ZC3H11A: variants seen among roughly 807,000 people sequenced by gnomAD.
The protein encoded by ZC3H11A is zinc finger CCCH domain-containing protein 11A.
ZC3H11A carries 22 observed loss-of-function variants against 90.8 expected under a neutral mutation model. That is an observed-to-expected ratio of 0.24 (90% CI 0.17 to 0.35). ZC3H11A has a LOEUF of 0.35. ZC3H11A is among the 10% of genes least tolerant of loss of function. ZC3H11A has a pLI of 1.00. For synonymous variants in ZC3H11A, 294 were observed against 339.8 expected (o/e 0.87, Z 1.48); for missense variants, 701 against 964.9 (o/e 0.73, Z 3.62).
chr1:203,839,554 G>A (rs952655616), intron 11 of ZC3H11A, among the ~76,000 whole-genome samples: 6 of 152,038 alleles, frequency 3.9e-5, no homozygotes, highest in Non-Finnish European at 8.8e-5. Flanking sequence ...ATGAGTAGAC[G>A]TTCCTGTTTG....
At chr1:203,816,856 A>G (rs1676554401) in intron 2 of ZC3H11A, 70 bp from the exon 3 acceptor site, 1 of 485,418 alleles carries the variant, frequency 2.1e-6, no homozygotes. Context: ...ATACGATCTC[A>G]TTAGCCATGG....
chr1:203,799,811 C>T, intron 1 of ZC3H11A: 1 of 1,388,014 alleles, frequency 7.2e-7, no homozygotes, highest in Non-Finnish European at 9.9e-7. Flanking sequence ...AATCCAAGCC[C>T]TGTATCTTGG....
At position 203,852,666 on chromosome 1, in the gene ZC3H11A, G is replaced by A; in HGVS notation, c.*267G>A. 1 of 460,020 alleles carries A rather than the reference G, an allele frequency of 2.2e-6. No homozygotes were observed. The highest frequency in any genetic ancestry group is 3.9e-6 in the Non-Finnish European group (1 of 255,632). 28.5% of individuals were successfully genotyped at this position (460,020 alleles called of 1,614,324 possible). A position where few individuals can be genotyped will look rare whatever the true frequency, so the allele number is the denominator to read the frequency against. ...CATACCCTTCTCTCCACAAAAAAGA[G>A]ACTGAGAGGGAGATCAAGTGAAAGG... On this transcript the variant is annotated 3_prime_UTR_variant, in exon 18 of 18. Transcript: ENST00000367210.
chr1:203,829,738 C>G (rs758820696), intron 6 of ZC3H11A, 42 bp from the exon 7 acceptor site: 1 of 1,610,342 alleles, frequency 6.2e-7, no homozygotes, highest in Non-Finnish European at 8.5e-7. Context: ...AAGCTATAGG[C>G]GTATTTTTAA....
intron 12 of ZC3H11A, among the ~76,000 whole-genome samples, chr1:203,846,871 G>T (rs919162167): frequency 7.2e-5 from 11 of 152,106 alleles, no homozygotes; most frequent in Middle Eastern, 3.2e-3. Context: ...GGGCTTGGTG[G>T]TGGGTACCTG....
At chr1:203,804,329 T>A (rs1353482365) in intron 2 of ZC3H11A, among the ~76,000 whole-genome samples, 1 of 152,016 alleles carries the variant, frequency 6.6e-6, no homozygotes, top group African/African-American at 2.4e-5. Flanking sequence ...CTTTTTTGTA[T>A]TTTTAGTAGA....
chr1:203,835,927 G>A (rs1684188440), intron 10 of ZC3H11A: 1 of 200,738 alleles, frequency 5.0e-6, no homozygotes, highest in Non-Finnish European at 1.1e-5. Flanking sequence ...CCTTTAAGAA[G>A]TCCTGTTCCC....
chr1:203,839,329 A>T (rs1403955626), intron 11 of ZC3H11A, among the ~76,000 whole-genome samples: 1 of 152,224 alleles, frequency 6.6e-6, no homozygotes, highest in East Asian at 1.9e-4. Context: ...GGAATGCACT[A>T]TTGCGCCCCT....
intron 15 of ZC3H11A, 101 bp downstream of exon 15, chr1:203,850,127 A>T: frequency 9.6e-7 from 1 of 1,040,512 alleles, no homozygotes; most frequent in Non-Finnish European, 1.4e-6. Flanking sequence ...GTTGAATTTC[A>T]TTTGCCTTCT....
chr1:203,833,944 T>C, intron 10 of ZC3H11A, 91 bp downstream of exon 10: 1 of 1,479,116 alleles, frequency 6.8e-7, no homozygotes, highest in Non-Finnish European at 9.0e-7. Flanking sequence ...CAGATCTTTG[T>C]TATTGGTGCC....
At chr1:203,818,824 C>T in intron 4 of ZC3H11A, 135 bp downstream of exon 4, 1 of 1,367,518 alleles carries the variant, frequency 7.3e-7, no homozygotes, top group South Asian at 1.4e-5. Context: ...AGTTCCAGCA[C>T]TTTGGGAGGC....
intron 1 of ZC3H11A, chr1:203,799,702 G>A: frequency 1.4e-6 from 1 of 717,744 alleles, no homozygotes; most frequent in Non-Finnish European, 2.5e-6. Context: ...CAGAAACTCA[G>A]AGAAGATTTT....
At chr1:203,831,607 G>C (rs2275325) in intron 8 of ZC3H11A, 54 bp from the exon 9 acceptor site, 414,726 of 1,503,540 alleles carry the variant, frequency 0.28, 58,617 homozygotes, top group Admixed American at 0.38. Flanking sequence ...TTTTGACTTG[G>C]GATAGCATTA....
intron 8 of ZC3H11A, among the ~76,000 whole-genome samples, chr1:203,831,433 G>A (rs940826457): frequency 1.3e-5 from 2 of 152,068 alleles, no homozygotes; most frequent in Admixed American, 6.6e-5. Flanking sequence ...TAGTTTGGGT[G>A]CCTAAGTCAC....
At chr1:203,844,660 C>A (rs1198680597) in intron 12 of ZC3H11A, among the ~76,000 whole-genome samples, 1 of 152,084 alleles carries the variant, frequency 6.6e-6, no homozygotes, top group African/African-American at 2.4e-5. Flanking sequence ...TCTCTCCTGA[C>A]TGGGAGACTC....
In ZC3H11A at chr1:203,825,593, C is replaced by G. The variant is rs1193357683; in HGVS notation, c.175-2706C>G. On this transcript the variant is annotated intron_variant, in intron 4 of 17. Transcript: ENST00000367210. ...GGGACTACAGGCGCCCTCCACCATGCCCAGCTAATTTTTGTATTTTTTAGT... is the reference window on the plus strand; with the variant it reads ...GGGACTACAGGCGCCCTCCACCATGGCCAGCTAATTTTTGTATTTTTTAGT... Among the ~76,000 whole-genome samples the G allele has an allele frequency of 3.3e-5, 5 of 152,070 alleles. No homozygotes were observed. In the East Asian group the frequency reaches 5.8e-4, roughly 18 times the overall value.
At chr1:203,807,637 C>T (rs1672831630) in intron 2 of ZC3H11A, among the ~76,000 whole-genome samples, 1 of 152,090 alleles carries the variant, frequency 6.6e-6, no homozygotes, top group South Asian at 2.1e-4. Context: ...AGTGATCCTT[C>T]CAGCTCAGCC....
intron 2 of ZC3H11A, chr1:203,806,396 G>T (rs540963022): frequency 4.2e-4 from 76 of 181,488 alleles, no homozygotes; most frequent in Admixed American, 1.2e-3. Context: ...CTGCCTTCCG[G>T]GTTCAAGCGA....
At chr1:203,815,997 CG>C (rs2102749285) in intron 2 of ZC3H11A, among the ~76,000 whole-genome samples, 1 of 152,238 alleles carries the variant, frequency 6.6e-6, no homozygotes, top group Admixed American at 6.5e-5. Context: ...ACTACTTTTG[CG>C]TCTTGTTTGT....
Sources: gnomAD v4.1 joint callset for allele counts (sites outside exome capture counted in the v4.1 genomes callset) on GRCh38, gnomAD v4.1.1 for gene constraint, MANE v1.5 for transcripts, NCBI Gene and HGNC (gene_info 2026-07-23, HGNC 2026-07-21) for gene names.